The following SHROOM4 variants were observed in gnomAD, a reference collection of about 807,000 sequenced individuals.
SHROOM4 encodes the protein protein Shroom4.
Under a neutral mutation model 80.3 loss-of-function variants are expected in SHROOM4, and 17 were observed. The ratio of observed to expected loss-of-function variants is 0.21; its 90% CI spans 0.14 to 0.32. The LOEUF is 0.32. Among genes scored for constraint, SHROOM4 ranks in the 10% least tolerant of loss-of-function variants. SHROOM4 has a pLI of 1.00. For synonymous variants in SHROOM4, 400 were observed against 437.5 expected, an observed-to-expected ratio of 0.91 and a Z score of 1.07; for missense variants, 993 against 1,140.3, an observed-to-expected ratio of 0.87 and a Z score of 1.86.
At chrX:50,614,704 G>A (rs7880497) in intron 5 of SHROOM4, among the ~76,000 whole-genome samples, 2 of 112,041 alleles carry the variant, frequency 1.8e-5, no homozygotes, top group African/African-American at 6.5e-5. Flanking sequence ...TGACCCAGTA[G>A]TTCAACTTCT....
chrX:50,813,160 T>TGGCAGTGGCGGC (rs1557273617), intron 1 of SHROOM4, among the ~76,000 whole-genome samples: 4 of 101,999 alleles, frequency 3.9e-5, no homozygotes, highest in Non-Finnish European at 8.0e-5. Context: ...GCGGCGGCAG[T>TGGCAGTGGCGGC]GGCGGCGGCG....
chrX:50,677,666 T>C (rs189240403), intron 2 of SHROOM4, among the ~76,000 whole-genome samples: 307 of 111,818 alleles, frequency 2.7e-3, no homozygotes, highest in Middle Eastern at 9.2e-3. Context: ...GCTAATCTTA[T>C]ACTGGTGGTC....
In SHROOM4 at chrX:50,634,355, C is replaced by T. The variant is rs1409873063; in HGVS notation, c.1718G>A (p.Gly573Glu). 3 of 1,208,874 alleles carry T rather than the reference C, an allele frequency of 2.5e-6. No homozygotes were observed. Among genetic ancestry groups the T allele is most frequent in the African/African-American group, 1.8e-5 (1 of 56,857 alleles). Residue 573 changes from glycine (G) to glutamate (E), a missense_variant, in exon 4 of 9, where the codon GGG becomes GAG. Physicochemically the swap from Gly to Glu is moderately conservative, Grantham distance 98. Coordinates refer to ENST00000376020, the MANE Select transcript of SHROOM4 (RefSeq NM_020717.5). ...CSRMGGRRSGGTRGRSIQNRR... is the reference protein window; with the variant it reads ...CSRMGGRRSGETRGRSIQNRR... ...GTTTTGGATCGAGCGGCCCCGGGTC[C>T]CTCCACTTCGCCTACCACCCATCCG...
intron 1 of SHROOM4, among the ~76,000 whole-genome samples, chrX:50,724,220 G>C (rs1934195220): frequency 1.8e-5 from 2 of 111,208 alleles, no homozygotes; most frequent in African/African-American, 3.3e-5. Flanking sequence ...CAGAAGAAGA[G>C]AGCCATGAGC....
rs201630812 is a variant in SHROOM4 at position 50,607,927 on chromosome X, G to A, written c.3215C>T (p.Ala1072Val). The change falls in exon 6 of 9, where the codon GCC becomes GTC. Residue 1072 changes from alanine (A) to valine (V), a missense_variant. By Grantham distance (64) the Ala-to-Val change is moderately conservative. Transcript: ENST00000376020. The part of the protein sequence containing the change: ...HISLAPQSTR[A>V]WGQHRRELFS... ...GAGCTCCCTCCTATGCTGCCCCCAG[G>A]CCCGGGTGCTTTGGGGCGCCAAGCT... 28 of 1,209,954 alleles carry A rather than the reference G, an allele frequency of 2.3e-5. No individual in the cohort carries two copies. Among genetic ancestry groups the A allele is most frequent in the Middle Eastern group, 2.3e-4 (1 of 4,377 alleles).
intron 2 of SHROOM4, among the ~76,000 whole-genome samples, chrX:50,694,176 G>T (rs1933300484): frequency 9.0e-6 from 1 of 111,229 alleles, no homozygotes; most frequent in African/African-American, 3.3e-5. Context: ...AAACATGGGG[G>T]TGCAGATATC....
chrX:50,630,839 C>T (rs142215282), intron 4 of SHROOM4, among the ~76,000 whole-genome samples: 1,869 of 111,532 alleles, frequency 0.017, 19 homozygotes, highest in Non-Finnish European at 0.027. Flanking sequence ...CTAAAGCTTA[C>T]TCAAGGAGAA....
intron 4 of SHROOM4, among the ~76,000 whole-genome samples, chrX:50,628,566 C>G (rs1310995902): frequency 7.2e-5 from 8 of 111,817 alleles, no homozygotes; most frequent in African/African-American, 2.0e-4. Context: ...TTCTCCAATG[C>G]TACTACTATT....
rs368527611 is a variant in SHROOM4, at chrX:50,716,186, G to C, written c.118-20249C>G. Among the ~76,000 whole-genome samples, 4 of 104,859 alleles carry C rather than the reference G, an allele frequency of 3.8e-5. No homozygotes were observed. The South Asian group carries it at 1.9e-3, about 49-fold the overall frequency. 91.1% of individuals were successfully genotyped at this position (104,859 alleles called of 115,157 possible). A position where few individuals can be genotyped will look rare whatever the true frequency, so the allele number is the denominator to read the frequency against. ...TCAAAGGGTAGAATGGTGTTTGCCA[G>C]GGGTGGGGGCAGATAAGTAGGGGGA... On this transcript the variant is annotated intron_variant, in intron 1 of 8. Coordinates refer to ENST00000376020, the MANE Select transcript of SHROOM4 (RefSeq NM_020717.5).
At chrX:50,801,282 G>GAGAGAGAGAGAGAGAT (rs1487666030) in intron 1 of SHROOM4, among the ~76,000 whole-genome samples, 1 of 106,981 alleles carries the variant, frequency 9.3e-6, no homozygotes, top group African/African-American at 3.4e-5. Flanking sequence ...GAGAGAGAGA[G>GAGAGAGAGAGAGAGAT]AGAGAGAGAA....
At chrX:50,680,200 G>A (rs1183994881) in intron 2 of SHROOM4, among the ~76,000 whole-genome samples, 1 of 110,960 alleles carries the variant, frequency 9.0e-6, no homozygotes, top group Non-Finnish European at 1.9e-5. Flanking sequence ...TTTAAATATC[G>A]GAGTATCCCA....
At chrX:50,669,567 C>A (rs782020794) in intron 2 of SHROOM4, among the ~76,000 whole-genome samples, 1 of 111,763 alleles carries the variant, frequency 8.9e-6, no homozygotes, top group African/African-American at 3.3e-5. Flanking sequence ...TCCCAAAGTG[C>A]TGGGATTACA....
intron 1 of SHROOM4, among the ~76,000 whole-genome samples, chrX:50,732,900 A>G (rs1557266415): frequency 8.9e-6 from 1 of 112,480 alleles, no homozygotes; most frequent in Non-Finnish European, 1.9e-5. Context: ...TGAGGAAGAA[A>G]TACTTTCCAA....
downstream of SHROOM4, among the ~76,000 whole-genome samples, chrX:50,582,917 T>C (rs1211506768): frequency 2.7e-5 from 3 of 110,890 alleles, no homozygotes; most frequent in Admixed American, 2.9e-4. Context: ...CATATTTAAC[T>C]ATTTGGAAGT....
chrX:50,679,099 C>G (rs1370641608), intron 2 of SHROOM4, among the ~76,000 whole-genome samples: 2 of 111,437 alleles, frequency 1.8e-5, no homozygotes, highest in East Asian at 5.6e-4. Flanking sequence ...CTCTCCCTGT[C>G]CTTGGTTTCC....
At position 50,596,463 on chromosome X, in the gene SHROOM4, G is replaced by C. The variant is rs138200411; in HGVS notation, c.*232C>G. On this transcript the variant is annotated 3_prime_UTR_variant, in exon 9 of 9. Coordinates refer to ENST00000376020, the MANE Select transcript of SHROOM4 (RefSeq NM_020717.5). ...TGGCAACTGTGGGAAGGAGAGTGTGGTTCTAAGATCACACCTTGCTGCAGC... is the reference window on the plus strand; with the variant it reads ...TGGCAACTGTGGGAAGGAGAGTGTGCTTCTAAGATCACACCTTGCTGCAGC... 3.7e-4 allele frequency: 191 copies of C among 512,989 alleles called. No individual in the cohort carries two copies. In the African/African-American group the frequency reaches 4.2e-3, roughly 11 times the overall value. The allele number at this position is 512,989 out of a possible 1,213,427, so 42.3% of individuals were successfully genotyped here. A position where few individuals can be genotyped will look rare whatever the true frequency, so the allele number is the denominator to read the frequency against.
intron 2 of SHROOM4, among the ~76,000 whole-genome samples, chrX:50,689,831 C>G (rs1277785779): frequency 8.9e-6 from 1 of 111,952 alleles, no homozygotes; most frequent in Non-Finnish European, 1.9e-5. Flanking sequence ...CTGTCCTATA[C>G]TATTGAATTA....
intron 1 of SHROOM4, among the ~76,000 whole-genome samples, chrX:50,746,767 A>G (rs1054496933): frequency 5.4e-5 from 6 of 112,069 alleles, no homozygotes; most frequent in African/African-American, 1.9e-4. Flanking sequence ...ATAAACTCCC[A>G]GCACAGTCTG....
intron 1 of SHROOM4, among the ~76,000 whole-genome samples, chrX:50,775,925 C>A (rs1312528135): frequency 8.9e-6 from 1 of 112,179 alleles, no homozygotes. Context: ...TCATTTAATT[C>A]TCCTTACAAC....
Sources: allele counts gnomAD v4.1 joint callset (sites outside exome capture counted in the v4.1 genomes callset), GRCh38; gene constraint gnomAD v4.1.1; transcripts MANE v1.5; gene names NCBI Gene and HGNC (gene_info 2026-07-23, HGNC 2026-07-21).